The following TRPM3 variants were observed in gnomAD, a reference collection of about 807,000 sequenced individuals.
TRPM3 encodes long transient receptor potential channel 3.
TRPM3 carries 77 observed loss-of-function variants against 181.2 expected under a neutral mutation model. That is an observed-to-expected ratio of 0.42 (90% CI 0.35 to 0.51). The LOEUF is 0.51. TRPM3 is among the 20% of genes least tolerant of loss of function. TRPM3 has a pLI of 0.01. For missense variants in TRPM3, 1,759 were observed against 2,196.7 expected, an observed-to-expected ratio of 0.80 and a Z score of 3.98; for synonymous variants, 745 against 796.4, an observed-to-expected ratio of 0.94 and a Z score of 1.09.
chr9:71,122,034 A>T (rs1326329255), upstream of TRPM3, among the ~76,000 whole-genome samples: 2 of 152,208 alleles, frequency 1.3e-5, no homozygotes, highest in African/African-American at 2.4e-5. Flanking sequence ...AAGCAAACTC[A>T]AACACACTGG....
chr9:71,133,973 TTGTGTGTGTGTGTGTGTGTGTG>T (rs72198070), intron 1 of TRPM3, among the ~76,000 whole-genome samples: 44 of 148,460 alleles, frequency 3.0e-4, no homozygotes, highest in African/African-American at 1.0e-3. Context: ...CTGTGTGTGT[TTGTGTGTGTGTGTGTGTGTGTG>T]TGTGTGTGTG....
chr9:70,856,776 G>A (rs1160154997), intron 3 of TRPM3, among the ~76,000 whole-genome samples: 1 of 152,182 alleles, frequency 6.6e-6, no homozygotes. Context: ...TTAATAGGGA[G>A]TGTAAATAGC....
At chr9:71,038,854 G>A (rs1373145175) in intron 1 of TRPM3, among the ~76,000 whole-genome samples, 2 of 152,100 alleles carry the variant, frequency 1.3e-5, no homozygotes, top group African/African-American at 4.8e-5. Flanking sequence ...TCCAAGCAGA[G>A]GAAACAGTAC....
intron 1 of TRPM3, among the ~76,000 whole-genome samples, chr9:71,377,099 G>A (rs543476727): frequency 1.3e-5 from 2 of 151,978 alleles, no homozygotes; most frequent in South Asian, 2.1e-4. Context: ...TAGAATAAAC[G>A]GTAAAACTGA....
At chr9:70,747,049 T>C (rs1351962350) in intron 8 of TRPM3, among the ~76,000 whole-genome samples, 1 of 152,198 alleles carries the variant, frequency 6.6e-6, no homozygotes, top group Non-Finnish European at 1.5e-5. Flanking sequence ...CATTAATGTA[T>C]ATACATCTGA....
At chr9:70,979,674 C>T (rs1458156389) in intron 1 of TRPM3, among the ~76,000 whole-genome samples, 1 of 152,188 alleles carries the variant, frequency 6.6e-6, no homozygotes, top group Non-Finnish European at 1.5e-5. Context: ...CCCCTACCCA[C>T]ACAAACTGTC....
At chr9:71,284,637 A>G (rs2085129568) in intron 1 of TRPM3, among the ~76,000 whole-genome samples, 1 of 152,238 alleles carries the variant, frequency 6.6e-6, no homozygotes, top group African/African-American at 2.4e-5. Flanking sequence ...GGTAAGCCAT[A>G]AATTAGTAGA....
At chr9:71,328,966 G>A (rs1565467070) in intron 1 of TRPM3, among the ~76,000 whole-genome samples, 1 of 152,220 alleles carries the variant, frequency 6.6e-6, no homozygotes, top group Non-Finnish European at 1.5e-5. Flanking sequence ...AATCAAAAGT[G>A]TAGACTTCAT....
chr9:71,080,284 T>C (rs890303564), intron 1 of TRPM3, among the ~76,000 whole-genome samples: 48 of 152,214 alleles, frequency 3.2e-4, no homozygotes, highest in African/African-American at 1.2e-3. Flanking sequence ...CACTAAAGGA[T>C]GCTAGCACCC....
chr9:70,775,269 C>A (rs1014046806), intron 7 of TRPM3: 1 of 152,164 alleles, frequency 6.6e-6, no homozygotes, highest in African/African-American at 2.4e-5. Flanking sequence ...CTTACTACAT[C>A]TTTTTGTGAG....
rs1356389702 is a variant in TRPM3 at position 70,529,767 on chromosome 9, T to C, written c.*6186A>G. The C allele has an allele frequency of 6.6e-6, 1 of 152,218 alleles. No individual in the cohort carries two copies. Among genetic ancestry groups the C allele is most frequent in the Non-Finnish European group, 1.5e-5 (1 of 68,032 alleles). The allele number at this position is 152,218 out of a possible 1,614,324, so 9.4% of individuals were successfully genotyped here. The stretch of plus-strand genomic sequence containing the variant: ...AGAATCTGATCCTGTTGGCTCTAAA[T>C]CAGAGGTCCCAAACTATTGCCTTTG... On this transcript the variant is annotated 3_prime_UTR_variant, in exon 26 of 26. Transcript: ENST00000677713.
intron 1 of TRPM3, among the ~76,000 whole-genome samples, chr9:71,325,218 C>G (rs1318491028): frequency 6.6e-6 from 1 of 152,082 alleles, no homozygotes; most frequent in Non-Finnish European, 1.5e-5. Flanking sequence ...AAACAGACCT[C>G]TAACACAAGA....
At chr9:71,067,523 C>T (rs751989262) in intron 1 of TRPM3, among the ~76,000 whole-genome samples, 11 of 151,454 alleles carry the variant, frequency 7.3e-5, no homozygotes, top group Non-Finnish European at 1.2e-4. Flanking sequence ...TAAATCCTGG[C>T]GAATAAATCA....
intron 1 of TRPM3, among the ~76,000 whole-genome samples, chr9:70,902,785 G>A (rs550433057): frequency 6.6e-6 from 1 of 152,296 alleles, no homozygotes; most frequent in South Asian, 2.1e-4. Context: ...TGAATAACTT[G>A]TGACTCACAC....
intron 6 of TRPM3, among the ~76,000 whole-genome samples, chr9:70,816,328 T>C (rs17463328): frequency 0.029 from 4,378 of 152,316 alleles, 89 homozygotes; most frequent in Middle Eastern, 0.058. Context: ...CACTTAGGTG[T>C]TATTAAAGTA....
chr9:70,803,567 G>A (rs1303063877), intron 6 of TRPM3, among the ~76,000 whole-genome samples: 2 of 149,228 alleles, frequency 1.3e-5, no homozygotes, highest in Non-Finnish European at 1.5e-5. Context: ...TCCTGCCTCA[G>A]CCTCCAGAGT....
At chr9:71,402,826 T>C (rs1425678494) in intron 1 of TRPM3, among the ~76,000 whole-genome samples, 4 of 152,160 alleles carry the variant, frequency 2.6e-5, no homozygotes, top group Non-Finnish European at 5.9e-5. Flanking sequence ...CTTACACTAA[T>C]CTTATCAGTG....
chr9:70,620,495 C>G (rs2063463567), intron 15 of TRPM3, 130 bp from the exon 16 acceptor site: 1 of 1,011,002 alleles, frequency 9.9e-7, no homozygotes, highest in Admixed American at 2.3e-5. Flanking sequence ...AGCTCCTGTC[C>G]TAAAAGAACT....
At chr9:71,315,072 A>G (rs1033835117) in intron 1 of TRPM3, among the ~76,000 whole-genome samples, 6 of 152,116 alleles carry the variant, frequency 3.9e-5, no homozygotes, top group African/African-American at 1.4e-4. Context: ...CAATGTGTAG[A>G]AAGTATGAAA....
Sources: allele counts gnomAD v4.1 joint callset (sites outside exome capture counted in the v4.1 genomes callset), GRCh38; gene constraint gnomAD v4.1.1; transcripts MANE v1.5; gene names NCBI Gene and HGNC (gene_info 2026-07-23, HGNC 2026-07-21).